The following UQCRB variants were observed in gnomAD, a reference collection of about 807,000 sequenced individuals.
UQCRB encodes the protein ubiquinol-cytochrome c reductase binding protein.
Under a neutral mutation model 19.8 loss-of-function variants are expected in UQCRB, and 12 were observed. That is an observed-to-expected ratio of 0.61 (90% CI 0.39 to 0.98). UQCRB has a LOEUF of 0.98. Among genes scored for constraint, UQCRB ranks in the 50% least tolerant of loss-of-function variants. UQCRB has a pLI of 0.00. For missense variants in UQCRB, 142 were observed against 131.8 expected (o/e 1.08, Z -0.38); for synonymous variants, 39 against 42.9 (o/e 0.91, Z 0.35).
rs1238026040 is a variant in UQCRB at position 96,226,679 on chromosome 8, T to C, written c.*4376A>G. 1.8e-5 allele frequency: 6 copies of C among 333,294 alleles called. No individual in the cohort carries two copies. In the East Asian group the frequency reaches 4.7e-4, roughly 26 times the overall value. 20.6% of individuals were successfully genotyped at this position (333,294 alleles called of 1,614,324 possible). A position where few individuals can be genotyped will look rare whatever the true frequency, so the allele number is the denominator to read the frequency against. ...ACAGAACAATTATTCAACTGGATAA[T>C]GTTACCAGAAGTTTTCAGGGGTTTA... On this transcript the variant is annotated 3_prime_UTR_variant, in exon 4 of 4. Coordinates refer to ENST00000287022, the MANE Select transcript of UQCRB (RefSeq NM_006294.5).
chr8:96,231,289 C>A, intron 3 of UQCRB, 157 bp from the exon 4 acceptor site: 1 of 1,558,302 alleles, frequency 6.4e-7, no homozygotes, highest in South Asian at 1.2e-5. Context: ...TTTAAAATGT[C>A]AAATCTGTGG....
At position 96,227,330 on chromosome 8, in the gene UQCRB, G is replaced by A. The variant is rs1809547157; in HGVS notation, c.*3725C>T. 2.2e-6 allele frequency: 1 copy of A among 453,998 alleles called. No homozygotes were observed. 28.1% of individuals were successfully genotyped at this position (453,998 alleles called of 1,614,324 possible). On this transcript the variant is annotated 3_prime_UTR_variant, in exon 4 of 4. Transcript: ENST00000287022. ...TCATCCTGAAAAATGAAGGAGGGGA[G>A]GGAGTTGGTGGGGCGCAGAATGGAG...
In UQCRB at chr8:96,235,388, C is replaced by T. The variant is rs988770115; in HGVS notation, c.19+124G>A. ...GCACATCCTTTTCACTGGACTGAAG[C>T]AGCCAATTTCCCTTCCGCGACAAAC... is the stretch of plus-strand genomic sequence containing the variant. On this transcript the variant is annotated intron_variant, in intron 1 of 3. Transcript: ENST00000287022. The T allele has an allele frequency of 3.6e-6, 5 of 1,375,682 alleles. No homozygotes were observed. The African/African-American group carries it at 5.7e-5, about 16-fold the overall frequency. The allele number at this position is 1,375,682 out of a possible 1,614,324, so 85.2% of individuals were successfully genotyped here. A position where few individuals can be genotyped will look rare whatever the true frequency, so the allele number is the denominator to read the frequency against.
intron 1 of UQCRB, chr8:96,233,914 G>T (rs568075782): frequency 6.5e-6 from 1 of 152,816 alleles, no homozygotes; most frequent in South Asian, 2.1e-4. Context: ...CCCCCCAAGG[G>T]AATGGATATT....
rs373052991 is a variant in UQCRB at position 96,231,028 on chromosome 8, C to G, written c.*27G>C. On this transcript the variant is annotated 3_prime_UTR_variant, in exon 4 of 4. Transcript: ENST00000287022. ...TCAAGTTTAACCATCTTCATAACAGCTGCATCCACAGACTTCAACTACATG... is the reference window on the plus strand; with the variant it reads ...TCAAGTTTAACCATCTTCATAACAGGTGCATCCACAGACTTCAACTACATG... 2 of 1,599,972 alleles carry G rather than the reference C, an allele frequency of 1.3e-6. No homozygotes were observed. The highest frequency in any genetic ancestry group is 4.5e-5 in the East Asian group (2 of 44,760).
chr8:96,235,421 C>T, intron 1 of UQCRB, 91 bp downstream of exon 1: 1 of 1,588,534 alleles, frequency 6.3e-7, no homozygotes, highest in Non-Finnish European at 8.6e-7. Context: ...AACTTGGCCA[C>T]TTACAAAGAA....
Position 96,227,758 on chromosome 8 carries a change from A to G in UQCRB, c.*3297T>C, listed in dbSNP as rs762174318. On this transcript the variant is annotated 3_prime_UTR_variant, in exon 4 of 4. Transcript: ENST00000287022. ...TTTATTCTTACTGCTGAATCTTTTC[A>G]TAAGTCAAAATTAGTGCAGAGTTAA... The G allele has an allele frequency of 8.8e-6, 4 of 453,690 alleles. No individual in the cohort carries two copies. Among genetic ancestry groups the G allele is most frequent in the African/African-American group, 6.0e-5 (3 of 50,000 alleles). 28.1% of individuals were successfully genotyped at this position (453,690 alleles called of 1,614,324 possible). A position where few individuals can be genotyped will look rare whatever the true frequency, so the allele number is the denominator to read the frequency against.
chr8:96,233,917 T>A (rs1041993730), intron 1 of UQCRB: 1 of 152,666 alleles, frequency 6.6e-6, no homozygotes, highest in Non-Finnish European at 1.5e-5. Context: ...CCCAAGGGAA[T>A]GGATATTGAA....
At chr8:96,234,581 C>T (rs1323866175) in intron 1 of UQCRB, 1 of 1,128,322 alleles carries the variant, frequency 8.9e-7, no homozygotes, top group Non-Finnish European at 1.2e-6. Context: ...TCCCCCACCC[C>T]CAAAAAGCTC....
chr8:96,230,193 A>C lies in UQCRB; in HGVS notation c.*862T>G. Reference sequence around the variant, plus strand: ...TGGGGTCAAGCAATTCTCCTCCCTCAGCCTCCCGAGTAGCTGGGATTACAG... The same window carrying C: ...TGGGGTCAAGCAATTCTCCTCCCTCCGCCTCCCGAGTAGCTGGGATTACAG... On this transcript the variant is annotated 3_prime_UTR_variant, in exon 4 of 4. Transcript: ENST00000287022. 1 of 451,690 alleles carries C rather than the reference A, an allele frequency of 2.2e-6. No individual in the cohort carries two copies. Among genetic ancestry groups the C allele is most frequent in the Non-Finnish European group, 4.4e-6 (1 of 224,840 alleles). The allele number at this position is 451,690 out of a possible 1,614,324, so 28.0% of individuals were successfully genotyped here.
rs780708336 is a variant in UQCRB at position 96,228,738 on chromosome 8, T to C, written c.*2317A>G. ...AAACTGAAGCACGGAGAGGTTAAAT[T>C]GTATTCCTAAAGCACTACACAGTGA... On this transcript the variant is annotated 3_prime_UTR_variant, in exon 4 of 4. Coordinates refer to ENST00000287022, the MANE Select transcript of UQCRB (RefSeq NM_006294.5). 2.1e-4 allele frequency: 94 copies of C among 454,018 alleles called. 2 individuals are homozygous for C. The highest frequency in any genetic ancestry group is 3.7e-4 in the South Asian group (24 of 64,476). The allele number at this position is 454,018 out of a possible 1,614,324, so 28.1% of individuals were successfully genotyped here. A position where few individuals can be genotyped will look rare whatever the true frequency, so the allele number is the denominator to read the frequency against.
intron 1 of UQCRB, chr8:96,235,248 G>C: frequency 3.4e-6 from 2 of 596,354 alleles, no homozygotes; most frequent in Non-Finnish European, 6.0e-6. Flanking sequence ...TCCAAGCACG[G>C]GCAGCTGGAA....
At position 96,231,067 on chromosome 8, in the gene UQCRB, C is replaced by A. The variant is rs863224258; in HGVS notation, c.324G>T (p.Trp108Cys). The A allele has an allele frequency of 2.2e-5, 36 of 1,613,282 alleles. 1 individual carries two copies. In the Middle Eastern group the frequency reaches 7.2e-4, roughly 32 times the overall value. The change falls in exon 4 of 4, where the codon TGG (tryptophan) becomes TGT (cysteine). Residue 108 changes from tryptophan to cysteine, a missense_variant. By Grantham distance (215) the Trp-to-Cys change is radical. Around this residue, in one of 2 missense-constraint regions of UQCRB, gnomAD observed 10 missense variants for 24.4 expected, o/e 0.41. Coordinates refer to ENST00000287022, the MANE Select transcript of UQCRB (RefSeq NM_006294.5). ...VIRERKEREE[W>C]AKK The stretch of plus-strand genomic sequence containing the variant: ...TTCAACTACATGATTACTTCTTTGC[C>A]CATTCTTCTCTTTCTTTTCTTTCCC...
rs1809717192 is a variant in UQCRB at position 96,233,201 on chromosome 8, C to A, written c.46G>T (p.Gly16Cys). ...GCATTGTAATACCATTTTCGAATAC[C>A]ATCCAGCCACTTGCCTGATGCTGAA... ...AVSASGKWLDGIRKWYYNAAG... is the reference protein window; with the variant it reads ...AVSASGKWLDCIRKWYYNAAG... The change falls in exon 2 of 4, where the codon GGT (glycine) becomes TGT (cysteine). Residue 16 changes from glycine (G) to cysteine (C), a missense_variant. Physicochemically the swap from Gly to Cys is radical, Grantham distance 159 (BLOSUM62 -3). Around this residue, in one of 2 missense-constraint regions of UQCRB, gnomAD observed 132 missense variants for 107.5 expected, o/e 1.23. Transcript: ENST00000287022. 6.2e-7 allele frequency: 1 copy of A among 1,613,534 alleles called. No individual in the cohort carries two copies. Among genetic ancestry groups the A allele is most frequent in the Non-Finnish European group, 8.5e-7 (1 of 1,179,934 alleles).
In UQCRB at chr8:96,231,561, G is replaced by C. The variant is rs77407648; in HGVS notation, c.258+213C>G. On this transcript the variant is annotated intron_variant, in intron 3 of 3. Transcript: ENST00000287022. ...ATTTTAGTCCTGGCTCTCTATATTA[G>C]AGACTTGCTTAGTAATTTCAGAAGA... is the stretch of plus-strand genomic sequence containing the variant. The C allele has an allele frequency of 0.027, 38,525 of 1,405,970 alleles. 640 individuals carry two copies. The highest frequency in any genetic ancestry group is 0.033 in the Non-Finnish European group (33,610 of 1,028,020). 87.1% of individuals were successfully genotyped at this position (1,405,970 alleles called of 1,614,324 possible).
In UQCRB at chr8:96,228,745, C is replaced by G. The variant is rs1406790994; in HGVS notation, c.*2310G>C. 2.2e-6 allele frequency: 1 copy of G among 454,058 alleles called. No homozygotes were observed. The highest frequency in any genetic ancestry group is 2.3e-5 in the Admixed American group (1 of 42,560). 28.1% of individuals were successfully genotyped at this position (454,058 alleles called of 1,614,324 possible). A position where few individuals can be genotyped will look rare whatever the true frequency, so the allele number is the denominator to read the frequency against. On this transcript the variant is annotated 3_prime_UTR_variant, in exon 4 of 4. Coordinates refer to ENST00000287022, the MANE Select transcript of UQCRB (RefSeq NM_006294.5). ...AGCACGGAGAGGTTAAATTGTATTC[C>G]TAAAGCACTACACAGTGAGCAAATA...
In UQCRB at chr8:96,229,787, G is replaced by A. The variant is rs1269865941; in HGVS notation, c.*1268C>T. 9 of 453,594 alleles carry A rather than the reference G, an allele frequency of 2.0e-5. No individual in the cohort carries two copies. Among genetic ancestry groups the A allele is most frequent in the Admixed American group, 9.4e-5 (4 of 42,520 alleles). The allele number at this position is 453,594 out of a possible 1,614,324, so 28.1% of individuals were successfully genotyped here. A position where few individuals can be genotyped will look rare whatever the true frequency, so the allele number is the denominator to read the frequency against. ...AAAGGAAAAAAAAAAGCGGGGGAGG[G>A]GGTTCCTAGAGAATTTAAGAGGCTA... On this transcript the variant is annotated 3_prime_UTR_variant, in exon 4 of 4. Coordinates refer to ENST00000287022, the MANE Select transcript of UQCRB (RefSeq NM_006294.5).
rs1200982617 is a variant in UQCRB at position 96,227,812 on chromosome 8, T to C, written c.*3243A>G. The C allele has an allele frequency of 6.6e-6, 3 of 453,442 alleles. No individual in the cohort carries two copies. Among genetic ancestry groups the C allele is most frequent in the African/African-American group, 2.0e-5 (1 of 49,902 alleles). 28.1% of individuals were successfully genotyped at this position (453,442 alleles called of 1,614,324 possible). ...TTGAAAAGGGAGTCCTTAAAGTAAA[T>C]AACTAAATGAAATCACTACCAAAAT... On this transcript the variant is annotated 3_prime_UTR_variant, in exon 4 of 4. Transcript: ENST00000287022.
chr8:96,233,026 T>G, intron 2 of UQCRB, 130 bp downstream of exon 2: 1 of 771,948 alleles, frequency 1.3e-6, no homozygotes, highest in African/African-American at 1.8e-5. Flanking sequence ...AATCTTCTGA[T>G]GTATACAAGA....
Sources: allele counts gnomAD v4.1 joint callset, GRCh38; gene constraint gnomAD v4.1.1; regional missense constraint gnomAD v4.1.1; transcripts MANE v1.5; gene names NCBI Gene and HGNC (gene_info 2026-07-23, HGNC 2026-07-21).